CA2: variants seen among roughly 807,000 people sequenced by gnomAD.
The protein encoded by CA2 is carbonate dehydratase II.
A neutral mutation model predicts 27.8 loss-of-function variants in CA2; 23 were observed. That is an observed-to-expected ratio of 0.83 (90% CI 0.59 to 1.17). CA2 has a LOEUF of 1.17. Among genes scored for constraint, CA2 ranks in the 50% most tolerant of loss-of-function variants. The probability of loss-of-function intolerance (pLI) is 0.00; values close to 1 mark genes in which losing one functional copy is unlikely to be tolerated. For missense variants in CA2, 300 were observed against 314.7 expected, an observed-to-expected ratio of 0.95 and a Z score of 0.35; for synonymous variants, 99 against 114.9, an observed-to-expected ratio of 0.86 and a Z score of 0.88.
rs958296025 is a variant in CA2, at chr8:85,468,010, G to A, written c.232+2541G>A. On this transcript the variant is annotated intron_variant, in intron 2 of 6. Transcript: ENST00000285379. Reference sequence around the variant, plus strand: ...AGGCCTGGTCCCTCTCCTGTTCCCCGGAGCCCATGCTGGAAATATCTAAAG... The same window carrying A: ...AGGCCTGGTCCCTCTCCTGTTCCCCAGAGCCCATGCTGGAAATATCTAAAG... 1.1e-4 allele frequency among the ~76,000 whole-genome samples: 16 copies of A among 152,256 alleles called. No homozygotes were observed. The East Asian group carries it at 1.9e-3, about 18-fold the overall frequency.
chr8:85,465,354 G>A lies in CA2; in HGVS notation c.117G>A (p.Lys39=), dbSNP rs1811611845. The A allele has an allele frequency of 6.2e-7, 1 of 1,614,190 alleles. No individual in the cohort carries two copies. The highest frequency in any genetic ancestry group is 8.5e-7 in the Non-Finnish European group (1 of 1,180,010). Residue 39 remains lysine (K), a synonymous_variant, in exon 2 of 7, where the codon AAG becomes AAA. Transcript: ENST00000285379. ...SPVDIDTHTA[K]YDPSLKPLSV... is the part of the protein sequence containing the mutation. The stretch of plus-strand genomic sequence containing the variant: ...TTGACATCGACACTCATACAGCCAA[G>A]TATGACCCTTCCCTGAAGCCCCTGT...
At chr8:85,476,881 A>G (rs1266759891) in intron 5 of CA2, among the ~76,000 whole-genome samples, 1 of 152,190 alleles carries the variant, frequency 6.6e-6, no homozygotes, top group African/African-American at 2.4e-5. Context: ...GCCAAGATGA[A>G]AAATGGACAT....
At chr8:85,480,592 A>G in intron 6 of CA2, 78 bp from the exon 7 acceptor site, 1 of 1,450,252 alleles carries the variant, frequency 6.9e-7, no homozygotes, top group Non-Finnish European at 9.6e-7. Flanking sequence ...CGGGGAATGT[A>G]TTTAAAGATA....
At chr8:85,479,352 C>T (rs10504813) in intron 6 of CA2, among the ~76,000 whole-genome samples, 34,981 of 152,068 alleles carry the variant, frequency 0.23, 4,721 homozygotes, top group East Asian at 0.53. Flanking sequence ...TCTGTTGTAA[C>T]GAATCAACCC....
At chr8:85,477,544 C>CTTT (rs11452517) in intron 6 of CA2, among the ~76,000 whole-genome samples, 16 of 146,484 alleles carry the variant, frequency 1.1e-4, no homozygotes, top group Non-Finnish European at 1.7e-4. Context: ...TAATAAATGC[C>CTTT]TTTTTTTTTT....
intron 5 of CA2, 78 bp downstream of exon 5, chr8:85,475,938 A>C: frequency 8.9e-7 from 1 of 1,122,886 alleles, no homozygotes; most frequent in Admixed American, 1.8e-5. Flanking sequence ...TCTTTTGATC[A>C]AATTGCACAG....
intron 6 of CA2, among the ~76,000 whole-genome samples, chr8:85,478,085 G>T (rs1176987914): frequency 6.6e-6 from 1 of 152,206 alleles, no homozygotes; most frequent in East Asian, 1.9e-4. Flanking sequence ...GTGCAATAGA[G>T]ATCATGTTGT....
At chr8:85,473,877 T>A in intron 3 of CA2, 66 bp downstream of exon 3, 2 of 934,266 alleles carry the variant, frequency 2.1e-6, no homozygotes, top group Non-Finnish European at 3.6e-6. Context: ...AGCATTAATT[T>A]CAAAAGCTTA....
chr8:85,480,556 T>C (rs1811873887), intron 6 of CA2, 114 bp from the exon 7 acceptor site: 11 of 1,030,848 alleles, frequency 1.1e-5, no homozygotes, highest in Admixed American at 2.0e-5. Flanking sequence ...GTGCTGGGAT[T>C]ACAGGCATGA....
intron 2 of CA2, among the ~76,000 whole-genome samples, chr8:85,471,729 T>C (rs1811715420): frequency 6.6e-6 from 1 of 151,984 alleles, no homozygotes; most frequent in Admixed American, 6.5e-5. Context: ...AGAGTTATTA[T>C]AAAGGATTTT....
chr8:85,474,901 G>A (rs1349392679), intron 4 of CA2, among the ~76,000 whole-genome samples: 1 of 152,150 alleles, frequency 6.6e-6, no homozygotes. Context: ...CTACAGGTGT[G>A]TATGAAATCA....
chr8:85,475,609 AAGATTC>A (rs1377730875), intron 4 of CA2, among the ~76,000 whole-genome samples, 183 bp from the exon 5 acceptor site: 1 of 152,070 alleles, frequency 6.6e-6, no homozygotes, highest in Non-Finnish European at 1.5e-5. Flanking sequence ...AGGCGAGTTG[AAGATTC>A]AGTGAAAGTA....
rs1811732601 is a variant in CA2 at position 85,473,014 on chromosome 8, AAAT to A, written c.233-676_233-674del. Reference sequence around the variant, plus strand: ...GTTTCAAAATAATAATAATAATAATAAATAAATAAATAAATAAATAAATAATAA... The same window carrying A: ...GTTTCAAAATAATAATAATAATAATAAAATAAATAAATAAATAAATAATAA... On this transcript the variant is annotated intron_variant, in intron 2 of 6. Transcript: ENST00000285379. Among the ~76,000 whole-genome samples the A allele has an allele frequency of 3.8e-4, 4 of 10,594 alleles. No individual in the cohort carries two copies. The Admixed American group carries it at 4.7e-3, about 12-fold the overall frequency. The allele number at this position is 10,594 out of a possible 152,430, so 7.0% of individuals were successfully genotyped here.
At position 85,474,347 on chromosome 8, in the gene CA2, C is replaced by CA; in HGVS notation, c.378dup (p.Tyr127IlefsTer12). The CA allele has an allele frequency of 1.2e-6, 2 of 1,614,052 alleles. No individual in the cohort carries two copies. The highest frequency in any genetic ancestry group is 1.7e-6 in the Non-Finnish European group (2 of 1,179,966). On this transcript the variant is annotated frameshift_variant, in exon 4 of 7. Coordinates refer to ENST00000285379, the MANE Select transcript of CA2 (RefSeq NM_000067.3). LOFTEE classifies it high-confidence loss of function. The stretch of plus-strand genomic sequence containing the variant: ...AGCTTCACTTGGTTCACTGGAACAC[C>CA]AAATATGGGGATTTTGGGAAAGCTG...
At chr8:85,476,473 C>G (rs1261899232) in intron 5 of CA2, among the ~76,000 whole-genome samples, 1 of 152,210 alleles carries the variant, frequency 6.6e-6, no homozygotes, top group Non-Finnish European at 1.5e-5. Context: ...CTGAAATGCT[C>G]ACTCACTGGC....
rs954623640 is a variant in CA2 at position 85,480,794 on chromosome 8, G to A, written c.*5G>A. 6.2e-7 allele frequency: 1 copy of A among 1,613,440 alleles called. No homozygotes were observed. The highest frequency in any genetic ancestry group is 1.3e-5 in the African/African-American group (1 of 74,876). On this transcript the variant is annotated 3_prime_UTR_variant, in exon 7 of 7. Transcript: ENST00000285379. ...ATCAAAGCTTCCTTCAAATAAGATG[G>A]TCCCATAGTCTGTATCCAAATAATG...
chr8:85,479,703 A>G (rs1395703801), intron 6 of CA2, among the ~76,000 whole-genome samples: 1 of 152,166 alleles, frequency 6.6e-6, no homozygotes, highest in African/African-American at 2.4e-5. Context: ...TTCTAATGTT[A>G]AATGCATATA....
intron 5 of CA2, among the ~76,000 whole-genome samples, chr8:85,476,205 C>T (rs900848874): frequency 6.6e-6 from 1 of 152,196 alleles, no homozygotes; most frequent in Non-Finnish European, 1.5e-5. Context: ...TAAGTATGTA[C>T]TATGTGCCAG....
intron 6 of CA2, 64 bp from the exon 7 acceptor site, chr8:85,480,606 C>T: frequency 6.6e-7 from 1 of 1,520,208 alleles, no homozygotes; most frequent in East Asian, 2.3e-5. Flanking sequence ...AAAGATATAA[C>T]ACAAGTATAT....
Sources: gnomAD v4.1 joint callset for allele counts (sites outside exome capture counted in the v4.1 genomes callset) on GRCh38, gnomAD v4.1.1 for gene constraint, MANE v1.5 for transcripts, NCBI Gene and HGNC (gene_info 2026-07-23, HGNC 2026-07-21) for gene names.